Variants in SCHIP1 observed in about 807,000 individuals in gnomAD.
The protein encoded by SCHIP1 is schwannomin interacting protein 1, also known as schwannomin-interacting protein 1.
A neutral mutation model predicts 29.7 loss-of-function variants in SCHIP1; 8 were observed. The observed-to-expected ratio is 0.27, with a 90% CI of 0.16 to 0.49. SCHIP1 has a LOEUF of 0.49. Ranked by LOEUF, SCHIP1 falls within the 20% of genes least tolerant of loss-of-function variation. SCHIP1 has a pLI of 0.99. For synonymous variants in SCHIP1, 76 were observed against 94.9 expected, an observed-to-expected ratio of 0.80 and a Z score of 1.16; for missense variants, 193 against 294.6, an observed-to-expected ratio of 0.66 and a Z score of 2.52.
chr3:159,411,567 G>T, the SCHIP1 span, among the ~76,000 whole-genome samples: 1 of 152,070 alleles, frequency 6.6e-6, no homozygotes, highest in Non-Finnish European at 1.5e-5. Context: ...AATAATCCAA[G>T]AAATAAATAA....
chr3:159,608,947 G>A, the SCHIP1 span, among the ~76,000 whole-genome samples: 1 of 152,164 alleles, frequency 6.6e-6, no homozygotes, highest in African/African-American at 2.4e-5. Flanking sequence ...GGAATCACTG[G>A]CTTGATTTTT....
At chr3:159,351,270 G>A in the SCHIP1 span, among the ~76,000 whole-genome samples, 1 of 152,292 alleles carries the variant, frequency 6.6e-6, no homozygotes, top group East Asian at 1.9e-4. Context: ...AGCTGTGCAG[G>A]TATGAATATG....
chr3:159,622,267 G>A, the SCHIP1 span, among the ~76,000 whole-genome samples: 2 of 152,222 alleles, frequency 1.3e-5, no homozygotes, highest in African/African-American at 4.8e-5. Context: ...CATGTGAGGT[G>A]CAAGTCCAAG....
At chr3:159,515,932 G>T in the SCHIP1 span, among the ~76,000 whole-genome samples, 1 of 151,028 alleles carries the variant, frequency 6.6e-6, no homozygotes, top group Non-Finnish European at 1.5e-5. Flanking sequence ...AAAATACATA[G>T]TATTTGTAGA....
At chr3:159,606,260 C>T in the SCHIP1 span, among the ~76,000 whole-genome samples, 2 of 152,132 alleles carry the variant, frequency 1.3e-5, no homozygotes, top group African/African-American at 4.8e-5. Flanking sequence ...TTTAAGTATA[C>T]ATTTATATCA....
the SCHIP1 span, among the ~76,000 whole-genome samples, chr3:159,518,068 C>T: frequency 3.9e-5 from 6 of 151,986 alleles, no homozygotes; most frequent in East Asian, 1.2e-3. Flanking sequence ...AAATGAGAAA[C>T]CAGAGCTACA....
At chr3:159,791,570 A>C in the SCHIP1 span, among the ~76,000 whole-genome samples, 2 of 152,184 alleles carry the variant, frequency 1.3e-5, no homozygotes, top group African/African-American at 2.4e-5. Context: ...GGGGTGTCCT[A>C]CAGGAGTTGG....
chr3:159,720,977 T>TA, the SCHIP1 span, among the ~76,000 whole-genome samples: 1 of 152,214 alleles, frequency 6.6e-6, no homozygotes, highest in Non-Finnish European at 1.5e-5. Context: ...CTAAAAGTGA[T>TA]AAAAATATAT....
chr3:159,706,991 A>G, the SCHIP1 span, among the ~76,000 whole-genome samples: 20 of 152,366 alleles, frequency 1.3e-4, no homozygotes, highest in African/African-American at 4.8e-4. Flanking sequence ...GTAATGGAAC[A>G]AAATGAGACA....
chr3:159,697,598 C>G, the SCHIP1 span, among the ~76,000 whole-genome samples: 3 of 152,126 alleles, frequency 2.0e-5, no homozygotes, highest in Admixed American at 6.5e-5. Flanking sequence ...AATTAATTAA[C>G]TCTGTGAAAT....
At chr3:159,593,334 C>T in the SCHIP1 span, among the ~76,000 whole-genome samples, 1 of 152,100 alleles carries the variant, frequency 6.6e-6, no homozygotes, top group Non-Finnish European at 1.5e-5. Flanking sequence ...AACAGGCTGC[C>T]CTCTTTATGG....
the SCHIP1 span, among the ~76,000 whole-genome samples, chr3:159,693,041 A>T: frequency 6.6e-6 from 1 of 152,192 alleles, no homozygotes; most frequent in African/African-American, 2.4e-5. Flanking sequence ...GAATAAAGAC[A>T]TATTTACCTT....
the SCHIP1 span, among the ~76,000 whole-genome samples, chr3:159,506,159 A>G: frequency 2.0e-5 from 3 of 152,176 alleles, no homozygotes; most frequent in Admixed American, 1.3e-4. Context: ...AGTGATTGCC[A>G]TTCTAACTGG....
the SCHIP1 span, among the ~76,000 whole-genome samples, chr3:159,716,743 A>G: frequency 2.0e-5 from 3 of 152,088 alleles, no homozygotes; most frequent in Non-Finnish European, 4.4e-5. Context: ...GTAAAGCAAG[A>G]CCTTAGAGAC....
the SCHIP1 span, among the ~76,000 whole-genome samples, chr3:159,637,165 TAATAAGATTCTGAA>T: frequency 1.3e-5 from 2 of 152,348 alleles, no homozygotes; most frequent in African/African-American, 4.8e-5. Context: ...CATTGTTCTT[TAATAAGATTCTGAA>T]AATAATTTGT....
chr3:159,312,127 C>T, the SCHIP1 span, among the ~76,000 whole-genome samples: 1 of 152,282 alleles, frequency 6.6e-6, no homozygotes, highest in East Asian at 1.9e-4. Context: ...ACACGACATA[C>T]AGTATATCAC....
At chr3:159,421,391 T>G in the SCHIP1 span, among the ~76,000 whole-genome samples, 5 of 152,204 alleles carry the variant, frequency 3.3e-5, no homozygotes, top group Non-Finnish European at 7.3e-5. Context: ...TCAAGAGGAA[T>G]CCTGGGATGT....
At chr3:159,329,492 A>G in the SCHIP1 span, among the ~76,000 whole-genome samples, 38 of 152,274 alleles carry the variant, frequency 2.5e-4, no homozygotes, top group African/African-American at 7.2e-4. Flanking sequence ...CCTCTCCAAC[A>G]GGCTGCCCTG....
At chr3:159,780,171 G>A in the SCHIP1 span, among the ~76,000 whole-genome samples, 1 of 152,154 alleles carries the variant, frequency 6.6e-6, no homozygotes. Flanking sequence ...AGAGCTCCCG[G>A]GAAATTTATG....
Sources: allele counts gnomAD v4.1 joint callset (sites outside exome capture counted in the v4.1 genomes callset), GRCh38; gene constraint gnomAD v4.1.1; transcripts MANE v1.5; gene names NCBI Gene and HGNC (gene_info 2026-07-23, HGNC 2026-07-21).